NCOA1: variants seen among roughly 807,000 people sequenced by gnomAD.
NCOA1 encodes the protein Hin-2 protein.
NCOA1 carries 35 observed loss-of-function variants against 150.9 expected under a neutral mutation model. The ratio of observed to expected loss-of-function variants is 0.23; its 90% CI spans 0.18 to 0.31. NCOA1 has a LOEUF of 0.31. Among genes scored for constraint, NCOA1 ranks in the 10% least tolerant of loss-of-function variants. NCOA1 has a pLI of 1.00. For missense variants in NCOA1, 1,491 were observed against 1,749.3 expected, an observed-to-expected ratio of 0.85 and a Z score of 2.63; for synonymous variants, 590 against 630.0, an observed-to-expected ratio of 0.94 and a Z score of 0.95.
chr2:24,717,929 C>G lies in NCOA1; in HGVS notation c.2599+6818C>G, dbSNP rs995270632. Among the ~76,000 whole-genome samples the G allele has an allele frequency of 3.7e-5, 5 of 135,664 alleles. No homozygotes were observed. The South Asian group carries it at 1.1e-3, about 31-fold the overall frequency. 89.0% of individuals were successfully genotyped at this position (135,664 alleles called of 152,430 possible). On this transcript the variant is annotated intron_variant, in intron 14 of 22. Coordinates refer to ENST00000348332, the MANE Select transcript of NCOA1 (RefSeq NM_003743.5). ...TCTTTTTTTTTTTTTTTTTGAGTCT[C>G]TCTGTTGCCTAGGCTGGAGTGCAAT...
chr2:24,551,471 TA>T (rs1320844957), intron 1 of NCOA1, among the ~76,000 whole-genome samples: 13 of 152,170 alleles, frequency 8.5e-5, no homozygotes, highest in African/African-American at 2.7e-4. Flanking sequence ...AATAAAGTGT[TA>T]TTTTTTTTTC....
intron 14 of NCOA1, among the ~76,000 whole-genome samples, chr2:24,720,536 C>T: frequency 6.6e-6 from 1 of 151,926 alleles, no homozygotes; most frequent in Non-Finnish European, 1.5e-5. Context: ...TTCGCAAAGG[C>T]CAAGAGCATA....
intron 10 of NCOA1, 103 bp downstream of exon 10, chr2:24,693,450 G>C (rs1179542792): frequency 2.0e-6 from 2 of 1,020,298 alleles, no homozygotes; most frequent in East Asian, 2.4e-5. Flanking sequence ...TGAGATTTAG[G>C]CTTTGCTCCC....
At chr2:24,604,340 C>T (rs1558831111) in intron 3 of NCOA1, among the ~76,000 whole-genome samples, 1 of 152,168 alleles carries the variant, frequency 6.6e-6, no homozygotes, top group Non-Finnish European at 1.5e-5. Flanking sequence ...TTAGCCTGTC[C>T]TCTGAAGCTT....
intron 6 of NCOA1, among the ~76,000 whole-genome samples, chr2:24,669,475 GC>G (rs978122356): frequency 3.3e-5 from 5 of 152,156 alleles, no homozygotes; most frequent in African/African-American, 9.7e-5. Context: ...TAGTCACATA[GC>G]CATTCCTACC....
At chr2:24,669,472 A>G (rs945349037) in intron 6 of NCOA1, among the ~76,000 whole-genome samples, 3 of 152,232 alleles carry the variant, frequency 2.0e-5, no homozygotes, top group African/African-American at 7.2e-5. Context: ...AACTAGTCAC[A>G]TAGCCATTCC....
At chr2:24,657,335 A>T (rs900506792) in intron 4 of NCOA1, among the ~76,000 whole-genome samples, 1 of 152,222 alleles carries the variant, frequency 6.6e-6, no homozygotes, top group South Asian at 2.1e-4. Context: ...GTTCCAAATG[A>T]GGATTATAAC....
chr2:24,693,196 GATATA>G, intron 9 of NCOA1, 51 bp from the exon 10 acceptor site: 1 of 1,508,056 alleles, frequency 6.6e-7, no homozygotes, highest in East Asian at 2.3e-5. Flanking sequence ...GCGAGTGATA[GATATA>G]AACCATTTTC....
At chr2:24,740,879 A>G (rs1042649927) in intron 18 of NCOA1, among the ~76,000 whole-genome samples, 1 of 152,164 alleles carries the variant, frequency 6.6e-6, no homozygotes, top group Admixed American at 6.6e-5. Flanking sequence ...CTCAATCTGA[A>G]TTGACATTTT....
chr2:24,685,215 A>G (rs1331744720), intron 8 of NCOA1, among the ~76,000 whole-genome samples: 4 of 152,114 alleles, frequency 2.6e-5, no homozygotes, highest in African/African-American at 4.8e-5. Flanking sequence ...GTTAAAGTCA[A>G]ACTTTTAAAA....
intron 1 of NCOA1, among the ~76,000 whole-genome samples, chr2:24,555,330 A>G (rs1378831434): frequency 1.3e-5 from 2 of 152,146 alleles, no homozygotes; most frequent in Non-Finnish European, 2.9e-5. Context: ...AAAATACATT[A>G]TTTGATTTTA....
chr2:24,682,063 A>G (rs1242055821), intron 7 of NCOA1, among the ~76,000 whole-genome samples: 1 of 152,138 alleles, frequency 6.6e-6, no homozygotes, highest in African/African-American at 2.4e-5. Flanking sequence ...GCATTGTTAG[A>G]TAGGTCTTTT....
rs56033921 is a variant in NCOA1 at position 24,671,691 on chromosome 2, G to T, written c.257-1675G>T. On this transcript the variant is annotated intron_variant, in intron 6 of 22. Coordinates refer to ENST00000348332, the MANE Select transcript of NCOA1 (RefSeq NM_003743.5). ...TTATTGTACCTCAGCCTCCTGAGTA[G>T]CTGAGATTACAGACATGTGCCACCA... Among the ~76,000 whole-genome samples the T allele has an allele frequency of 6.6e-5, 10 of 152,116 alleles. No individual in the cohort carries two copies. The South Asian group carries it at 2.1e-3, about 32-fold the overall frequency.
At chr2:24,504,910 T>A (rs994360713) in intron 1 of NCOA1, among the ~76,000 whole-genome samples, 6 of 152,132 alleles carry the variant, frequency 3.9e-5, no homozygotes, top group African/African-American at 1.4e-4. Flanking sequence ...TCCTTGGAGG[T>A]CATTTTCCCC....
intron 3 of NCOA1, among the ~76,000 whole-genome samples, chr2:24,629,930 G>A (rs1572514208): frequency 6.8e-6 from 1 of 148,136 alleles, no homozygotes; most frequent in African/African-American, 2.5e-5. Flanking sequence ...TGCAAGCTCC[G>A]CCTCCTGGGT....
At chr2:24,524,028 G>A (rs1291365735) in intron 1 of NCOA1, among the ~76,000 whole-genome samples, 1 of 151,416 alleles carries the variant, frequency 6.6e-6, no homozygotes, top group Non-Finnish European at 1.5e-5. Flanking sequence ...ATCCACTTAT[G>A]GGAGCTGATT....
intron 7 of NCOA1, among the ~76,000 whole-genome samples, chr2:24,682,347 A>G (rs2148539699): frequency 6.6e-6 from 1 of 152,316 alleles, no homozygotes. Flanking sequence ...GTCAGGCACC[A>G]TAGTGTTAAT....
chr2:24,744,573 A>C (rs1294863230), intron 19 of NCOA1, among the ~76,000 whole-genome samples: 1 of 152,262 alleles, frequency 6.6e-6, no homozygotes, highest in East Asian at 1.9e-4. Context: ...GAAAAGTTCC[A>C]GCCTTTTCAA....
chr2:24,674,408 G>A lies in NCOA1; in HGVS notation c.354+945G>A, dbSNP rs577371890. ...TTTTTAGTAGAGACGGTGTTTCACC[G>A]TGTTAGCCAGGATGGTCTCGATCTC... On this transcript the variant is annotated intron_variant, in intron 7 of 22. Coordinates refer to ENST00000348332, the MANE Select transcript of NCOA1 (RefSeq NM_003743.5). 1.1e-4 allele frequency among the ~76,000 whole-genome samples: 17 copies of A among 152,006 alleles called. 2 individuals are homozygous for A. The highest frequency in any genetic ancestry group is 3.9e-4 in the Admixed American group (6 of 15,268).
Sources: allele counts gnomAD v4.1 joint callset (sites outside exome capture counted in the v4.1 genomes callset), GRCh38; gene constraint gnomAD v4.1.1; transcripts MANE v1.5; gene names NCBI Gene and HGNC (gene_info 2026-07-23, HGNC 2026-07-21).